PSMA1: variants seen among roughly 807,000 people sequenced by gnomAD.
PSMA1 encodes proteasome 20S subunit alpha 1, also known as proteasome subunit alpha type-1.
PSMA1 carries 3 observed loss-of-function variants against 38.4 expected under a neutral mutation model. The ratio of observed to expected loss-of-function variants is 0.08; its 90% confidence interval spans 0.04 to 0.20. The LOEUF is 0.20. PSMA1 is among the 10% of genes least tolerant of loss of function. PSMA1 has a pLI of 1.00. For missense variants in PSMA1, 227 were observed against 325.3 expected (o/e 0.70, Z 2.32); for synonymous variants, 101 against 107.1 (o/e 0.94, Z 0.35).
intron 2 of PSMA1, among the ~76,000 whole-genome samples, chr11:14,585,613 C>T (rs973087747): frequency 6.3e-4 from 96 of 152,298 alleles, no homozygotes; most frequent in African/African-American, 2.1e-3. Context: ...CCACCCATTC[C>T]GACACAGAAA....
intron 2 of PSMA1, among the ~76,000 whole-genome samples, chr11:14,596,653 A>T (rs572724700): frequency 7.3e-6 from 1 of 137,914 alleles, no homozygotes; most frequent in African/African-American, 2.7e-5. Flanking sequence ...GGCTGAGACG[A>T]TGGGGTTTTC....
intron 2 of PSMA1, among the ~76,000 whole-genome samples, chr11:14,591,176 C>T (rs1226136314): frequency 6.6e-6 from 1 of 152,234 alleles, no homozygotes; most frequent in East Asian, 1.9e-4. Flanking sequence ...GCCCTGCCGG[C>T]CCTGGGCAGT....
intron 2 of PSMA1, among the ~76,000 whole-genome samples, chr11:14,591,628 A>G (rs1852416344): frequency 6.6e-6 from 1 of 152,120 alleles, no homozygotes; most frequent in Non-Finnish European, 1.5e-5. Context: ...GAGTGCACCA[A>G]TCGACACTCT....
chr11:14,513,605 G>A lies in PSMA1; in HGVS notation c.509C>T (p.Thr170Ile). Residue 170 changes from threonine (T) to isoleucine (I), a missense_variant, in exon 7 of 10, where the codon ACT (threonine) becomes ATT (isoleucine). Transcript: ENST00000396394. The part of the protein sequence containing the change: ...SIGARSQSAR[T>I]YLERHMSEFM... ...TTCAGACATATGTCTCTCCAAGTAA[G>A]TACGAGCTGATTGGGAACGGGCTCC... is the stretch of plus-strand genomic sequence containing the variant. 2 of 1,570,320 alleles carry A rather than the reference G, an allele frequency of 1.3e-6. No homozygotes were observed. Among genetic ancestry groups the A allele is most frequent in the Non-Finnish European group, 1.7e-6 (2 of 1,164,072 alleles).
chr11:14,582,477 AC>A (rs1852293493), intron 2 of PSMA1, among the ~76,000 whole-genome samples: 1 of 152,066 alleles, frequency 6.6e-6, no homozygotes, highest in Non-Finnish European at 1.5e-5. Flanking sequence ...AACAACAACA[AC>A]AACCAAAAAA....
In PSMA1 at chr11:14,542,322, C is replaced by T. The variant is rs576282824; in HGVS notation, c.22-23281G>A. On this transcript the variant is annotated intron_variant, in intron 2 of 10. Coordinates refer to the PSMA1 transcript ENST00000418988. ...CTCCTGCTAATTTTGTACAAACAAT[C>T]TTCTCCCTCATTTGGGGGCATCTGT... Among the ~76,000 whole-genome samples, 274 of 152,232 alleles carry T rather than the reference C, an allele frequency of 1.8e-3. 1 individual carries two copies. Among genetic ancestry groups the T allele is most frequent in the African/African-American group, 6.2e-3 (259 of 41,538 alleles).
At chr11:14,542,312 TACAA>T (rs778295043) in intron 2 of PSMA1, among the ~76,000 whole-genome samples, 5 of 152,302 alleles carry the variant, frequency 3.3e-5, no homozygotes, top group South Asian at 4.1e-4. Context: ...GCTAATTTTG[TACAA>T]ACAATCTTCT....
At chr11:14,630,171 A>C (rs903863924) in intron 1 of PSMA1, among the ~76,000 whole-genome samples, 1 of 152,030 alleles carries the variant, frequency 6.6e-6, no homozygotes, top group African/African-American at 2.4e-5. Flanking sequence ...TCTCCTGCCT[A>C]ATTGCCCTGG....
chr11:14,587,154 C>A (rs1852356291), intron 2 of PSMA1, among the ~76,000 whole-genome samples: 1 of 152,152 alleles, frequency 6.6e-6, no homozygotes, highest in African/African-American at 2.4e-5. Context: ...CCATTCCCAC[C>A]CTTTCCCTGC....
intron 2 of PSMA1, among the ~76,000 whole-genome samples, chr11:14,583,487 G>A (rs1229756118): frequency 2.0e-5 from 3 of 152,160 alleles, no homozygotes; most frequent in Non-Finnish European, 4.4e-5. Context: ...CTGGGCCAGC[G>A]CTCAGAATGC....
In PSMA1 at chr11:14,572,592, A is replaced by G. The variant is rs577101996; in HGVS notation, c.21+38374T>C. On this transcript the variant is annotated intron_variant, in intron 2 of 10. Coordinates refer to the PSMA1 transcript ENST00000418988. The stretch of plus-strand genomic sequence containing the variant: ...GATCTAAAATTGACACCCTAACATC[A>G]CAATTAAAAGAACTAGAGAAGCAAG... Among the ~76,000 whole-genome samples, 16 of 152,332 alleles carry G rather than the reference A, an allele frequency of 1.1e-4. No individual in the cohort carries two copies. In the South Asian group the frequency reaches 3.3e-3, roughly 32 times the overall value.
chr11:14,520,176 T>A, intron 1 of PSMA1, 121 bp downstream of exon 1: 1 of 1,466,952 alleles, frequency 6.8e-7, no homozygotes, highest in South Asian at 1.1e-5. Context: ...CCCGGCCGTC[T>A]GCCGAGGCTC....
At chr11:14,508,810 G>A (rs1851293661) in intron 8 of PSMA1, among the ~76,000 whole-genome samples, 1 of 152,062 alleles carries the variant, frequency 6.6e-6, no homozygotes, top group South Asian at 2.1e-4. Flanking sequence ...GGTCCTCAGT[G>A]ACAACTTCAT....
chr11:14,512,101 G>A (rs1281039228), intron 7 of PSMA1, among the ~76,000 whole-genome samples: 1 of 152,248 alleles, frequency 6.6e-6, no homozygotes, highest in East Asian at 1.9e-4. Flanking sequence ...CTGGTTGGGT[G>A]TGGTGGCTCA....
chr11:14,600,434 T>G (rs1852565738), intron 2 of PSMA1, among the ~76,000 whole-genome samples: 1 of 152,192 alleles, frequency 6.6e-6, no homozygotes, highest in Non-Finnish European at 1.5e-5. Context: ...TTTTACCTAC[T>G]CAAGCCTCAG....
At chr11:14,588,463 G>C (rs1356230338) in intron 2 of PSMA1, among the ~76,000 whole-genome samples, 1 of 152,074 alleles carries the variant, frequency 6.6e-6, no homozygotes, top group Non-Finnish European at 1.5e-5. Flanking sequence ...TTTTGAGAAG[G>C]GGAGTGATTT....
chr11:14,593,659 A>AGC (rs1852449898), intron 2 of PSMA1, among the ~76,000 whole-genome samples: 1 of 131,652 alleles, frequency 7.6e-6, no homozygotes, highest in South Asian at 2.4e-4. Context: ...AGAGAGAGAG[A>AGC]GAGCGCCAGC....
At chr11:14,546,482 G>A (rs1851829247) in intron 2 of PSMA1, among the ~76,000 whole-genome samples, 1 of 152,064 alleles carries the variant, frequency 6.6e-6, no homozygotes, top group Non-Finnish European at 1.5e-5. Context: ...CTGTTGCCCA[G>A]GCTGGAGTAC....
chr11:14,512,779 C>G (rs531016614), intron 7 of PSMA1, among the ~76,000 whole-genome samples: 1 of 152,140 alleles, frequency 6.6e-6, no homozygotes, highest in African/African-American at 2.4e-5. Flanking sequence ...ATATGCTGTG[C>G]GCTTTAAGTC....
Sources: allele counts gnomAD v4.1 joint callset (sites outside exome capture counted in the v4.1 genomes callset), GRCh38; gene constraint gnomAD v4.1.1; transcripts MANE v1.5; gene names NCBI Gene and HGNC (gene_info 2026-07-23, HGNC 2026-07-21).